The following STK32C variants were observed in gnomAD, a reference collection of about 807,000 sequenced individuals.
The protein encoded by STK32C is serine/threonine kinase 32C, also known as serine/threonine-protein kinase 32C.
A neutral mutation model predicts 56.5 loss-of-function variants in STK32C; 31 were observed. The ratio of observed to expected loss-of-function variants is 0.55; its 90% CI spans 0.41 to 0.74. The LOEUF (loss-of-function observed/expected upper bound fraction) is 0.74. Among genes scored for constraint, STK32C ranks in the 30% least tolerant of loss-of-function variants. The pLI is 0.00. For missense variants in STK32C, 544 were observed against 676.9 expected (o/e 0.80, Z 2.18); for synonymous variants, 309 against 289.4 (o/e 1.07, Z -0.69).
At chr10:132,236,623 C>T (rs145948117) in intron 2 of STK32C, among the ~76,000 whole-genome samples, 2 of 152,322 alleles carry the variant, frequency 1.3e-5, no homozygotes, top group East Asian at 1.9e-4. Context: ...TAACTTTCCA[C>T]ACCAGAACGG....
intron 2 of STK32C, among the ~76,000 whole-genome samples, chr10:132,239,309 A>G (rs1297396648): frequency 5.9e-5 from 9 of 152,160 alleles, no homozygotes; most frequent in African/African-American, 2.2e-4. Flanking sequence ...CCCAGTAAAC[A>G]TTCTCTGGAC....
chr10:132,316,230 A>ATACC (rs1277067980), intron 1 of STK32C, among the ~76,000 whole-genome samples: 4 of 152,220 alleles, frequency 2.6e-5, no homozygotes, highest in African/African-American at 9.6e-5. Flanking sequence ...AATAAATTAC[A>ATACC]TACCTTAAAA....
intron 1 of STK32C, among the ~76,000 whole-genome samples, chr10:132,265,809 C>T (rs1331844958): frequency 6.6e-6 from 1 of 152,170 alleles, no homozygotes; most frequent in Non-Finnish European, 1.5e-5. Flanking sequence ...AAACCCAACG[C>T]GGGCCCCCTC....
chr10:132,290,104 G>A (rs746795374), intron 1 of STK32C, among the ~76,000 whole-genome samples: 5 of 152,216 alleles, frequency 3.3e-5, no homozygotes, highest in East Asian at 1.9e-4. Flanking sequence ...GATACCAGCC[G>A]GCCACCCTAT....
chr10:132,278,480 G>A (rs2065052430), intron 1 of STK32C, among the ~76,000 whole-genome samples: 2 of 152,146 alleles, frequency 1.3e-5, no homozygotes, highest in Non-Finnish European at 2.9e-5. Context: ...TCAAAATACC[G>A]GCCGGGCGCG....
At chr10:132,257,793 C>A (rs2064177157) in intron 1 of STK32C, among the ~76,000 whole-genome samples, 1 of 151,960 alleles carries the variant, frequency 6.6e-6, no homozygotes, top group Non-Finnish European at 1.5e-5. Flanking sequence ...CCAAACACCC[C>A]CAGGGGACCC....
chr10:132,277,602 C>A (rs2065029649), intron 1 of STK32C, among the ~76,000 whole-genome samples: 1 of 152,218 alleles, frequency 6.6e-6, no homozygotes, highest in African/African-American at 2.4e-5. Flanking sequence ...GAGTCCAGAG[C>A]CTTGCTTTGC....
At chr10:132,283,898 TC>T (rs2065295028) in intron 1 of STK32C, among the ~76,000 whole-genome samples, 2 of 151,964 alleles carry the variant, frequency 1.3e-5, no homozygotes, top group African/African-American at 4.8e-5. Context: ...CCCCGCCCCA[TC>T]CAAAGTCCAG....
At chr10:132,293,062 G>A (rs980741077) in intron 1 of STK32C, among the ~76,000 whole-genome samples, 6 of 152,374 alleles carry the variant, frequency 3.9e-5, no homozygotes, top group South Asian at 2.1e-4. Context: ...AGCAGCGAAC[G>A]GCAAACATCA....
rs189935729 is a variant in STK32C, at chr10:132,288,248, T to C, written c.262+19324A>G. On this transcript the variant is annotated intron_variant, in intron 1 of 11. Coordinates refer to ENST00000298630, the MANE Select transcript of STK32C (RefSeq NM_173575.4). ...CAAAAATTAACAGCTATAAAACTTCTAGAAGAAAACACAGGAAAAAATCCT... is the reference window on the plus strand; with the variant it reads ...CAAAAATTAACAGCTATAAAACTTCCAGAAGAAAACACAGGAAAAAATCCT... Among the ~76,000 whole-genome samples, 454 of 152,288 alleles carry C rather than the reference T, an allele frequency of 3.0e-3. 7 individuals are homozygous for C. In the South Asian group the frequency reaches 0.049, roughly 17 times the overall value.
At chr10:132,226,473 C>T (rs12770346) in intron 4 of STK32C, among the ~76,000 whole-genome samples, 2,778 of 152,284 alleles carry the variant, frequency 0.018, 42 homozygotes, top group Admixed American at 0.042. Flanking sequence ...CAAACAGGAG[C>T]CTTCAGTTAA....
intron 1 of STK32C, among the ~76,000 whole-genome samples, chr10:132,301,482 G>A (rs996854767): frequency 1.3e-5 from 2 of 152,176 alleles, no homozygotes; most frequent in Admixed American, 6.5e-5. Flanking sequence ...AGCTGGGAGC[G>A]CCCGTTAGGT....
chr10:132,216,485 G>A (rs563083937), intron 10 of STK32C, among the ~76,000 whole-genome samples: 4 of 149,544 alleles, frequency 2.7e-5, no homozygotes, highest in African/African-American at 9.8e-5. Flanking sequence ...AAAAAAAAGA[G>A]AGAAAAAAAA....
chr10:132,330,672 A>ATTT (rs57850207), intron 1 of STK32C, among the ~76,000 whole-genome samples: 8 of 126,948 alleles, frequency 6.3e-5, no homozygotes, highest in South Asian at 5.7e-4. Flanking sequence ...CACACCCAGC[A>ATTT]TTTTTTTTTT....
intron 2 of STK32C, among the ~76,000 whole-genome samples, chr10:132,230,863 G>C (rs74713685): frequency 4.3e-4 from 65 of 152,340 alleles, no homozygotes; most frequent in African/African-American, 1.5e-3. Flanking sequence ...TCACGATGCA[G>C]CTCAGCTCTT....
chr10:132,302,089 G>T (rs1455943348), intron 1 of STK32C, among the ~76,000 whole-genome samples: 2 of 152,148 alleles, frequency 1.3e-5, no homozygotes, highest in African/African-American at 2.4e-5. Flanking sequence ...TCCGGGACAG[G>T]CAGGAAAGCT....
intron 1 of STK32C, among the ~76,000 whole-genome samples, chr10:132,326,020 G>A (rs1173362998): frequency 6.6e-6 from 1 of 151,846 alleles, no homozygotes; most frequent in Non-Finnish European, 1.5e-5. Context: ...CACGCTGGCC[G>A]GTATGTCTTT....
intron 1 of STK32C, among the ~76,000 whole-genome samples, chr10:132,258,419 AC>A (rs1341138907): frequency 6.6e-6 from 1 of 151,674 alleles, no homozygotes; most frequent in East Asian, 1.9e-4. Context: ...GCCCCCCATC[AC>A]CCCCCACGGG....
At chr10:132,291,592 CT>C (rs966443907) in intron 1 of STK32C, among the ~76,000 whole-genome samples, 1 of 152,224 alleles carries the variant, frequency 6.6e-6, no homozygotes, top group Non-Finnish European at 1.5e-5. Context: ...CAGAGTGCCC[CT>C]CTGCAAGTCT....
Sources: allele counts gnomAD v4.1 joint callset (sites outside exome capture counted in the v4.1 genomes callset), GRCh38; gene constraint gnomAD v4.1.1; transcripts MANE v1.5; gene names NCBI Gene and HGNC (gene_info 2026-07-23, HGNC 2026-07-21).